The following EFCAB6 variants were observed in gnomAD, a reference collection of about 807,000 sequenced individuals.
EFCAB6 encodes the protein EF-hand calcium-binding domain-containing protein 6.
In EFCAB6, 156 loss-of-function variants were observed where a neutral mutation model predicts 169.8. The ratio of observed to expected loss-of-function variants is 0.92; its 90% CI spans 0.81 to 1.05. EFCAB6 has a LOEUF of 1.05. Among genes scored for constraint, EFCAB6 ranks in the 50% least tolerant of loss-of-function variants. The pLI is 0.00. For missense variants in EFCAB6, 1,800 were observed against 1,829.1 expected (o/e 0.98, Z 0.29); for synonymous variants, 698 against 676.4 (o/e 1.03, Z -0.50).
Position 43,672,109 on chromosome 22 carries a change from T to C in EFCAB6, c.1504A>G (p.Ile502Val). Residue 502 changes from isoleucine to valine, a missense_variant, in exon 15 of 32, where the codon ATT becomes GTT. Physicochemically the swap from Ile to Val is conservative, Grantham distance 29. Coordinates refer to ENST00000262726, the MANE Select transcript of EFCAB6 (RefSeq NM_022785.4). Reference sequence around the variant, plus strand: ...TAAAAAGCTTGTAGGTTCCTAGTAATTGTATCATGAACAATTTCTTCCACC... The same window carrying C: ...TAAAAAGCTTGTAGGTTCCTAGTAACTGTATCATGAACAATTTCTTCCACC... The part of the protein sequence containing the change: ...DSVEEIVHDT[I>V]TRNLQAFYNM... The C allele has an allele frequency of 1.2e-6, 2 of 1,613,696 alleles. No homozygotes were observed. The highest frequency in any genetic ancestry group is 1.7e-6 in the Non-Finnish European group (2 of 1,179,902).
chr22:43,797,324 A>G (rs2062546958), intron 2 of EFCAB6: 1 of 152,738 alleles, frequency 6.5e-6, no homozygotes, highest in South Asian at 2.1e-4. Flanking sequence ...ATGCCCTTCA[A>G]GATAAAATAT....
At chr22:43,786,441 G>A (rs941013160) in intron 2 of EFCAB6, among the ~76,000 whole-genome samples, 1 of 152,194 alleles carries the variant, frequency 6.6e-6, no homozygotes, top group Admixed American at 6.5e-5. Flanking sequence ...AAAGAAAGTG[G>A]CCGGGCACAG....
At chr22:43,544,809 C>T (rs1018922034) in intron 27 of EFCAB6, among the ~76,000 whole-genome samples, 1 of 152,046 alleles carries the variant, frequency 6.6e-6, no homozygotes, top group Non-Finnish European at 1.5e-5. Context: ...ACAAAATAGT[C>T]TCCAGATAAA....
At chr22:43,563,492 G>C (rs1335534782) in intron 26 of EFCAB6, among the ~76,000 whole-genome samples, 1 of 152,198 alleles carries the variant, frequency 6.6e-6, no homozygotes, top group Non-Finnish European at 1.5e-5. Flanking sequence ...TTGAGCTTGG[G>C]AGGCTGATGC....
chr22:43,808,366 T>C (rs559751882), intron 2 of EFCAB6, among the ~76,000 whole-genome samples: 15 of 152,362 alleles, frequency 9.8e-5, no homozygotes, highest in Admixed American at 2.0e-4. Flanking sequence ...GGAATATCTC[T>C]CCTTTAAGCA....
At chr22:43,663,977 C>G (rs999342030) in intron 17 of EFCAB6, among the ~76,000 whole-genome samples, 28 of 152,314 alleles carry the variant, frequency 1.8e-4, no homozygotes, top group Admixed American at 3.3e-4. Context: ...AAAGTCCTTG[C>G]TGGGTTTCTG....
At chr22:43,689,349 G>GCACACACACACACACACACACACACACA (rs3221390) in intron 10 of EFCAB6, among the ~76,000 whole-genome samples, 1 of 146,962 alleles carries the variant, frequency 6.8e-6, no homozygotes, top group African/African-American at 2.6e-5. Context: ...GAGAGCACGT[G>GCACACACACACACACACACACACACACA]CACACACACA....
At position 43,801,074 on chromosome 22, in the gene EFCAB6, G is replaced by A. The variant is rs574124252; in HGVS notation, c.-8+7921C>T. Among the ~76,000 whole-genome samples the A allele has an allele frequency of 4.6e-5, 7 of 151,866 alleles. 1 individual carries two copies. Among genetic ancestry groups the A allele is most frequent in the South Asian group, 2.1e-4 (1 of 4,806 alleles). On this transcript the variant is annotated intron_variant, in intron 2 of 31. Transcript: ENST00000262726. Reference sequence around the variant, plus strand: ...AAAAACTAGAGAGAATCCTAAAAACGGCAAGAGGAAAAAAAACAAATAACA... The same window carrying A: ...AAAAACTAGAGAGAATCCTAAAAACAGCAAGAGGAAAAAAAACAAATAACA...
chr22:43,619,896 T>G (rs2054002624), intron 20 of EFCAB6, among the ~76,000 whole-genome samples: 1 of 152,106 alleles, frequency 6.6e-6, no homozygotes, highest in Non-Finnish European at 1.5e-5. Flanking sequence ...AGAAGCTCAG[T>G]AAATCCAAAA....
chr22:43,650,497 C>T (rs910173305), intron 17 of EFCAB6, among the ~76,000 whole-genome samples: 1 of 152,172 alleles, frequency 6.6e-6, no homozygotes, highest in African/African-American at 2.4e-5. Flanking sequence ...GTAAATTGCT[C>T]AGTCTTGGGT....
chr22:43,812,094 C>T (rs772525056), intron 1 of EFCAB6, 74 bp downstream of exon 1: 2 of 152,372 alleles, frequency 1.3e-5, no homozygotes, highest in African/African-American at 2.4e-5. Context: ...GCAGTGAGAC[C>T]CACGGAGCTG....
At chr22:43,558,836 A>G (rs1187519185) in intron 26 of EFCAB6, among the ~76,000 whole-genome samples, 1 of 152,244 alleles carries the variant, frequency 6.6e-6, no homozygotes, top group Non-Finnish European at 1.5e-5. Flanking sequence ...TTTTATATGC[A>G]TCAGTAAATC....
intron 17 of EFCAB6, among the ~76,000 whole-genome samples, chr22:43,644,623 G>A (rs2056034856): frequency 6.6e-6 from 1 of 152,182 alleles, no homozygotes; most frequent in Non-Finnish European, 1.5e-5. Flanking sequence ...CTGATGGTTT[G>A]CTAATAGCAA....
At chr22:43,689,479 G>C (rs918928508) in intron 10 of EFCAB6, among the ~76,000 whole-genome samples, 1 of 152,160 alleles carries the variant, frequency 6.6e-6, no homozygotes, top group East Asian at 1.9e-4. Flanking sequence ...CAGGGGCTGA[G>C]AAGGAAATAG....
Position 43,537,488 on chromosome 22 carries a change from T to A in EFCAB6, c.3937A>T (p.Ile1313Leu). The A allele has an allele frequency of 6.2e-7, 1 of 1,614,100 alleles. No homozygotes were observed. Among genetic ancestry groups the A allele is most frequent in the Non-Finnish European group, 8.5e-7 (1 of 1,180,018 alleles). The change falls in exon 29 of 32, where the codon ATA (isoleucine) becomes TTA (leucine). Residue 1313 changes from isoleucine to leucine, a missense_variant. Physicochemically the swap from Ile to Leu is conservative, Grantham distance 5. Transcript: ENST00000262726. The surrounding 1 kb of genome is among the most constrained non-coding windows in gnomAD (Gnocchi z 4.3). Reference sequence around the variant, plus strand: ...ATTCTCTTCCGGAGCCTGCTCTCTATGGGATCACAGTTCTGCAAGGGTGGA... The same window carrying A: ...ATTCTCTTCCGGAGCCTGCTCTCTAAGGGATCACAGTTCTGCAAGGGTGGA... ...GTPPLQNCDP[I>L]ESRLRKRIQG...
intron 30 of EFCAB6, chr22:43,532,118 G>A (rs565734601): frequency 6.6e-6 from 1 of 152,140 alleles, no homozygotes; most frequent in Non-Finnish European, 1.5e-5. Context: ...AATCCACTCC[G>A]GTCTGGTGCA....
chr22:43,648,705 A>G (rs1383276447), intron 17 of EFCAB6, among the ~76,000 whole-genome samples: 2 of 152,196 alleles, frequency 1.3e-5, no homozygotes, highest in African/African-American at 2.4e-5. Flanking sequence ...CCTTGAATCT[A>G]AAATGTTGAA....
chr22:43,548,411 G>A (rs1471103079), intron 27 of EFCAB6, among the ~76,000 whole-genome samples: 2 of 151,366 alleles, frequency 1.3e-5, no homozygotes, highest in African/African-American at 4.9e-5. Context: ...GTGGTGGCAT[G>A]TGCCTGTAAT....
chr22:43,631,257 G>T (rs1010716488), intron 19 of EFCAB6, among the ~76,000 whole-genome samples: 3 of 151,790 alleles, frequency 2.0e-5, no homozygotes. Flanking sequence ...CTCGGGGTTC[G>T]CCTTATTGAC....
Sources: gnomAD v4.1 joint callset for allele counts (sites outside exome capture counted in the v4.1 genomes callset) on GRCh38, gnomAD v4.1.1 for gene constraint, Gnocchi (gnomAD v3.1) non-coding constraint, MANE v1.5 for transcripts, NCBI Gene and HGNC (gene_info 2026-07-23, HGNC 2026-07-21) for gene names.